Variants in TRAK1 observed in about 807,000 individuals in gnomAD.
The protein encoded by TRAK1 is trafficking kinesin-binding protein 1.
In TRAK1, 33 loss-of-function variants were observed where a neutral mutation model predicts 92.1. The ratio of observed to expected loss-of-function variants is 0.36; its 90% CI spans 0.27 to 0.48. TRAK1 has a LOEUF of 0.48. TRAK1 is among the 20% of genes least tolerant of loss of function. TRAK1 has a pLI of 0.99. For synonymous variants in TRAK1, 521 were observed against 517.3 expected (o/e 1.01, Z -0.10); for missense variants, 1,123 against 1,257.9 (o/e 0.89, Z 1.62).
At chr3:42,039,561 G>C (rs986377621) in intron 1 of TRAK1, among the ~76,000 whole-genome samples, 1 of 152,048 alleles carries the variant, frequency 6.6e-6, no homozygotes. Context: ...ACAGGGTTTC[G>C]CCATATTGGC....
chr3:42,187,887 CT>C (rs1190197383), intron 4 of TRAK1, among the ~76,000 whole-genome samples, 157 bp from the exon 5 acceptor site: 2 of 152,138 alleles, frequency 1.3e-5, no homozygotes, highest in Admixed American at 6.5e-5. Flanking sequence ...ATGAAAGCCT[CT>C]TTTTTTGAAT....
chr3:42,196,165 C>T (rs1220469325), intron 10 of TRAK1, among the ~76,000 whole-genome samples: 1 of 152,236 alleles, frequency 6.6e-6, no homozygotes, highest in African/African-American at 2.4e-5. Context: ...TAGCTCTTGG[C>T]ACAGCCCAGT....
chr3:42,187,988 G>A (rs1576884547), intron 4 of TRAK1, 57 bp from the exon 5 acceptor site: 6 of 1,410,070 alleles, frequency 4.3e-6, no homozygotes, highest in East Asian at 2.3e-5. Flanking sequence ...AATGTGAGTC[G>A]GGGGGGACAG....
chr3:42,026,113 C>G (rs1255677430), intron 1 of TRAK1, among the ~76,000 whole-genome samples: 1 of 152,014 alleles, frequency 6.6e-6, no homozygotes, highest in Non-Finnish European at 1.5e-5. Context: ...TCCCTCCATC[C>G]CTCCTTTCTA....
chr3:42,018,861 C>T (rs561786192), intron 1 of TRAK1, among the ~76,000 whole-genome samples: 1 of 152,306 alleles, frequency 6.6e-6, no homozygotes, highest in African/African-American at 2.4e-5. Flanking sequence ...TGGTGGCTTA[C>T]GCCTATAATC....
intron 1 of TRAK1, among the ~76,000 whole-genome samples, chr3:42,028,681 G>A (rs572608843): frequency 1.3e-5 from 2 of 152,318 alleles, no homozygotes; most frequent in South Asian, 2.1e-4. Context: ...GCAGTGCAGG[G>A]GACCCTGGGG....
chr3:42,035,003 CT>C (rs1702274909), intron 1 of TRAK1, among the ~76,000 whole-genome samples: 1 of 152,200 alleles, frequency 6.6e-6, no homozygotes, highest in South Asian at 2.1e-4. Context: ...CATTGCTCTT[CT>C]CCTACTTCAT....
chr3:42,136,533 C>T (rs899529190), intron 2 of TRAK1, among the ~76,000 whole-genome samples: 14 of 151,746 alleles, frequency 9.2e-5, no homozygotes, highest in Non-Finnish European at 1.8e-4. Context: ...CTAAGGTGGG[C>T]GGGTCACTTA....
At chr3:42,110,965 A>G (rs1708320416) in intron 1 of TRAK1, among the ~76,000 whole-genome samples, 1 of 152,152 alleles carries the variant, frequency 6.6e-6, no homozygotes, top group Non-Finnish European at 1.5e-5. Context: ...TAGTCCAATG[A>G]CAGAGACTGC....
chr3:42,068,031 C>T (rs1366966508), intron 1 of TRAK1, among the ~76,000 whole-genome samples: 5 of 151,762 alleles, frequency 3.3e-5, no homozygotes, highest in South Asian at 2.1e-4. Flanking sequence ...ATTAGCCGGG[C>T]GTGATGGTGG....
rs556588874 is a variant in TRAK1, at chr3:42,060,776, C to T, written c.-518-26328C>T. ...CTGAGTAACTGGGATTGCATGTGCC[C>T]GCCACCACTCCTGGCTGATTTTTTT... On this transcript the variant is annotated intron_variant, in intron 1 of 16. Transcript: ENST00000487159. 6.0e-5 allele frequency among the ~76,000 whole-genome samples: 9 copies of T among 150,726 alleles called. No homozygotes were observed. In the South Asian group the frequency reaches 1.9e-3, roughly 32 times the overall value.
chr3:42,217,951 G>C, intron 14 of TRAK1: 1 of 914,388 alleles, frequency 1.1e-6, no homozygotes, highest in Non-Finnish European at 1.3e-6. Context: ...ATTTTTATGT[G>C]TTTTTTTTTT....
chr3:42,167,047 T>C (rs1701961624), intron 2 of TRAK1, among the ~76,000 whole-genome samples: 1 of 152,208 alleles, frequency 6.6e-6, no homozygotes, highest in Non-Finnish European at 1.5e-5. Flanking sequence ...AGTGGCGTAG[T>C]CCTAGGCCAG....
rs531883772 is a variant in TRAK1 at position 42,092,400 on chromosome 3, C to T, written c.91+840C>T. Among the ~76,000 whole-genome samples the T allele has an allele frequency of 2.3e-3, 352 of 152,266 alleles. 2 individuals carry two copies. The highest frequency in any genetic ancestry group is 8.0e-3 in the African/African-American group (334 of 41,534). ...AACATGTAAATCTTATTGAATAAGC[C>T]TAAAGACACTTCAAACATGCATCTT... On this transcript the variant is annotated intron_variant, in intron 1 of 15. Transcript: ENST00000327628.
chr3:42,102,129 G>T (rs1706851318), intron 1 of TRAK1, among the ~76,000 whole-genome samples: 1 of 152,150 alleles, frequency 6.6e-6, no homozygotes, highest in Non-Finnish European at 1.5e-5. Context: ...GGGATTACAG[G>T]CGCACACCAC....
At chr3:42,177,545 C>G (rs1271108183) in intron 3 of TRAK1, among the ~76,000 whole-genome samples, 1 of 152,218 alleles carries the variant, frequency 6.6e-6, no homozygotes, top group Non-Finnish European at 1.5e-5. Context: ...CTGCCCCCTT[C>G]ACTGAATCAG....
intron 1 of TRAK1, among the ~76,000 whole-genome samples, chr3:42,032,657 A>G (rs999289382): frequency 1.6e-4 from 24 of 152,194 alleles, no homozygotes; most frequent in African/African-American, 5.3e-4. Flanking sequence ...TTATTTCCTC[A>G]GGGTTTCTTT....
At chr3:42,211,555 G>A in intron 14 of TRAK1, 1 of 985,454 alleles carries the variant, frequency 1.0e-6, no homozygotes, top group Non-Finnish European at 1.2e-6. Context: ...GATTTTCGTG[G>A]CTAAAGGGGT....
At chr3:42,042,440 C>G (rs898445057) in intron 1 of TRAK1, among the ~76,000 whole-genome samples, 5 of 152,036 alleles carry the variant, frequency 3.3e-5, no homozygotes, top group African/African-American at 1.2e-4. Context: ...GGTGCAGTCT[C>G]AGTTCACTGT....
Sources: allele counts gnomAD v4.1 joint callset (sites outside exome capture counted in the v4.1 genomes callset), GRCh38; gene constraint gnomAD v4.1.1; transcripts MANE v1.5; gene names NCBI Gene and HGNC (gene_info 2026-07-23, HGNC 2026-07-21).